Variants in NDUFAF6 observed in about 807,000 individuals in gnomAD.
The protein encoded by NDUFAF6 is NADH dehydrogenase (ubiquinone) complex I, assembly factor 6.
In NDUFAF6, 45 loss-of-function variants were observed where a neutral mutation model predicts 40.8. The ratio of observed to expected loss-of-function variants is 1.10; its 90% CI spans 0.87 to 1.42. The LOEUF (loss-of-function observed/expected upper bound fraction) is 1.42. Ranked by LOEUF, NDUFAF6 falls within the 40% of genes most tolerant of loss-of-function variation. NDUFAF6 has a pLI of 0.00. For missense variants in NDUFAF6, 435 were observed against 418.5 expected (o/e 1.04, Z -0.34); for synonymous variants, 185 against 155.9 (o/e 1.19, Z -1.39).
chr8:94,977,174 A>G (rs948967695), intron 1 of NDUFAF6, among the ~76,000 whole-genome samples: 84 of 150,822 alleles, frequency 5.6e-4, no homozygotes, highest in African/African-American at 2.0e-3. Context: ...TTAAGATGGT[A>G]AATTTTATGT....
At chr8:95,060,781 C>T (rs962767443), downstream of NDUFAF6, among the ~76,000 whole-genome samples, 29 of 152,148 alleles carry the variant, frequency 1.9e-4, no homozygotes, top group African/African-American at 6.8e-4. Flanking sequence ...AGTTTAAAAG[C>T]TCAAAGGCAC....
At position 94,952,118 on chromosome 8, in the gene NDUFAF6, C is replaced by T. The variant is rs186807463; in HGVS notation, c.-798-5877C>T. On this transcript the variant is annotated intron_variant, in intron 2 of 14. Coordinates refer to the NDUFAF6 transcript ENST00000396113. ...TCTCCTGTCTGTTTTCCATGGAGCTCAATACGCTCCCTTATCTACCCTAAC... is the reference window on the plus strand; with the variant it reads ...TCTCCTGTCTGTTTTCCATGGAGCTTAATACGCTCCCTTATCTACCCTAAC... Among the ~76,000 whole-genome samples the T allele has an allele frequency of 1.6e-4, 25 of 152,326 alleles. 1 individual carries two copies. The East Asian group carries it at 4.8e-3, about 29-fold the overall frequency.
intron 1 of NDUFAF6, among the ~76,000 whole-genome samples, chr8:94,920,712 T>A (rs578180203): frequency 1.5e-4 from 23 of 152,336 alleles, no homozygotes; most frequent in African/African-American, 5.1e-4. Context: ...CCTATTATAC[T>A]GGACCCTCCA....
chr8:94,987,782 A>G lies in NDUFAF6; in HGVS notation c.-84+6809A>G, dbSNP rs1246453336. 3.9e-5 allele frequency among the ~76,000 whole-genome samples: 6 copies of G among 152,266 alleles called. No individual in the cohort carries two copies. In the South Asian group the frequency reaches 1.2e-3, roughly 32 times the overall value. On this transcript the variant is annotated intron_variant, in intron 2 of 9. Transcript: ENST00000396111. The stretch of plus-strand genomic sequence containing the variant: ...AATCAGATTGCAACCTCAAGGTAAC[A>G]TTTTGCATAATAAGTTCTAACAATG...
At chr8:94,918,465 A>G (rs989680712) in intron 1 of NDUFAF6, among the ~76,000 whole-genome samples, 11 of 152,096 alleles carry the variant, frequency 7.2e-5, no homozygotes, top group Non-Finnish European at 1.5e-4. Context: ...TTAATTACTA[A>G]TCCATTTTTC....
chr8:95,114,926 G>T (rs915702083), intron 4 of NDUFAF6, among the ~76,000 whole-genome samples: 1 of 152,232 alleles, frequency 6.6e-6, no homozygotes, highest in Admixed American at 6.5e-5. Flanking sequence ...GCCAGGCGTG[G>T]TGGCAGGTGT....
At chr8:94,931,985 A>C (rs1464638674) in intron 1 of NDUFAF6, 6 of 1,366,218 alleles carry the variant, frequency 4.4e-6, no homozygotes, top group Non-Finnish European at 5.1e-6. Context: ...AAAAGAAAGA[A>C]AGTCATTTTT....
chr8:94,963,346 G>A (rs936569768), intron 1 of NDUFAF6, among the ~76,000 whole-genome samples: 1 of 152,168 alleles, frequency 6.6e-6, no homozygotes, highest in African/African-American at 2.4e-5. Context: ...CTCATAGTCA[G>A]GGTGGAAAGA....
upstream of NDUFAF6, among the ~76,000 whole-genome samples, chr8:95,023,626 G>T (rs193042740): frequency 6.6e-6 from 1 of 152,314 alleles, no homozygotes; most frequent in African/African-American, 2.4e-5. Flanking sequence ...GTAGGCAGCT[G>T]CTGGCTGGGA....
chr8:94,958,357 T>C (rs1823255939), intron 1 of NDUFAF6, among the ~76,000 whole-genome samples: 2 of 152,044 alleles, frequency 1.3e-5, no homozygotes, highest in Non-Finnish European at 2.9e-5. Context: ...TCTCCTTGGC[T>C]TGTGGATGGC....
At chr8:94,916,378 T>C (rs1357099946) in intron 1 of NDUFAF6, among the ~76,000 whole-genome samples, 1 of 152,070 alleles carries the variant, frequency 6.6e-6, no homozygotes, top group East Asian at 1.9e-4. Flanking sequence ...TCTGAAGGGG[T>C]AAAGGTCAGT....
chr8:95,106,510 A>G (rs1809848498), downstream of NDUFAF6, among the ~76,000 whole-genome samples: 1 of 152,194 alleles, frequency 6.6e-6, no homozygotes, highest in Non-Finnish European at 1.5e-5. Context: ...GAAACATAAG[A>G]CCTAAAACCA....
chr8:95,088,829 C>T (rs1303496707), intron 2 of NDUFAF6, among the ~76,000 whole-genome samples: 3 of 151,956 alleles, frequency 2.0e-5, no homozygotes, highest in South Asian at 2.1e-4. Context: ...GGCGCCATCT[C>T]GGCTCACTGC....
chr8:94,912,283 A>T (rs1818831837), intron 1 of NDUFAF6, among the ~76,000 whole-genome samples: 1 of 152,232 alleles, frequency 6.6e-6, no homozygotes, highest in Non-Finnish European at 1.5e-5. Context: ...TTGCCTTTTG[A>T]GTAAAATAAG....
At chr8:94,999,339 G>C (rs759525240) in intron 2 of NDUFAF6, among the ~76,000 whole-genome samples, 4 of 152,084 alleles carry the variant, frequency 2.6e-5, no homozygotes, top group Non-Finnish European at 5.9e-5. Context: ...GGCCAGGATC[G>C]TCTCGATCTC....
intron 1 of NDUFAF6, among the ~76,000 whole-genome samples, chr8:94,965,568 G>A (rs1197087602): frequency 2.0e-5 from 3 of 152,230 alleles, no homozygotes; most frequent in African/African-American, 4.8e-5. Context: ...ATAGGAATAA[G>A]CCAGACAAGG....
At chr8:94,960,141 C>T (rs1485092925) in intron 1 of NDUFAF6, among the ~76,000 whole-genome samples, 1 of 152,208 alleles carries the variant, frequency 6.6e-6, no homozygotes, top group African/African-American at 2.4e-5. Context: ...AGATCTTTGC[C>T]TTAAAAACAC....
chr8:95,002,272 T>C (rs920988352), intron 2 of NDUFAF6, among the ~76,000 whole-genome samples: 1 of 152,250 alleles, frequency 6.6e-6, no homozygotes, highest in African/African-American at 2.4e-5. Flanking sequence ...TGTTACTTTC[T>C]TTCTTCTCTA....
chr8:94,908,867 T>A (rs1428909495), intron 1 of NDUFAF6, among the ~76,000 whole-genome samples: 1 of 152,208 alleles, frequency 6.6e-6, no homozygotes, highest in Non-Finnish European at 1.5e-5. Context: ...TGACTCCTAA[T>A]TTTATATTTG....
Sources: gnomAD v4.1 joint callset for allele counts (sites outside exome capture counted in the v4.1 genomes callset) on GRCh38, gnomAD v4.1.1 for gene constraint, MANE v1.5 for transcripts, NCBI Gene and HGNC (gene_info 2026-07-23, HGNC 2026-07-21) for gene names.